GRK5: variants seen among roughly 807,000 people sequenced by gnomAD.
The protein encoded by GRK5 is g protein-coupled receptor kinase GRK5.
In GRK5, 40 loss-of-function variants were observed where a neutral mutation model predicts 78.4. The ratio of observed to expected loss-of-function variants is 0.51; its 90% confidence interval spans 0.40 to 0.66. The LOEUF is 0.66. GRK5 is among the 30% of genes least tolerant of loss of function. The pLI, the probability that GRK5 is intolerant of heterozygous loss-of-function variation, is 0.00. For missense variants in GRK5, 598 were observed against 759.9 expected (o/e 0.79, Z 2.50); for synonymous variants, 289 against 296.8 (o/e 0.97, Z 0.27).
rs368405365 is a variant in GRK5, at chr10:119,427,580, A to G, written c.533+2495A>G. Among the ~76,000 whole-genome samples, 18 of 148,710 alleles carry G rather than the reference A, an allele frequency of 1.2e-4. 1 individual carries two copies. In the South Asian group the frequency reaches 1.5e-3, roughly 13 times the overall value. ...TATCACCGCCATCATCAGCATCACC[A>G]CCATCATCAGCATCATCACCATCAT... is the stretch of plus-strand genomic sequence containing the variant. On this transcript the variant is annotated intron_variant, in intron 6 of 15. Coordinates refer to ENST00000392870, the MANE Select transcript of GRK5 (RefSeq NM_005308.3).
intron 1 of GRK5, among the ~76,000 whole-genome samples, chr10:119,288,284 C>T (rs1483349712): frequency 6.6e-6 from 1 of 152,172 alleles, no homozygotes; most frequent in Non-Finnish European, 1.5e-5. Context: ...GGTCTGTGGA[C>T]AGGGCATAGG....
intron 2 of GRK5, among the ~76,000 whole-genome samples, chr10:119,343,730 G>T (rs1010191748): frequency 2.6e-5 from 4 of 152,226 alleles, no homozygotes; most frequent in Non-Finnish European, 5.9e-5. Context: ...TGTCTGAAAG[G>T]TGAGGTCCTT....
intron 1 of GRK5, among the ~76,000 whole-genome samples, chr10:119,222,929 C>A (rs1194988061): frequency 6.6e-6 from 1 of 152,190 alleles, no homozygotes; most frequent in African/African-American, 2.4e-5. Flanking sequence ...AGGATGGGTC[C>A]CCTGGCCTGG....
Position 119,412,505 on chromosome 10 carries a change from G to T in GRK5, c.340-10661G>T, listed in dbSNP as rs1453847877. On this transcript the variant is annotated intron_variant, in intron 4 of 15. Coordinates refer to ENST00000392870, the MANE Select transcript of GRK5 (RefSeq NM_005308.3). This position sits in a 1 kb window ranked among gnomAD's most constrained non-coding sequence, Gnocchi z 4.3. ...CCGGACTGATTTATTTTTCTCCCCA[G>T]TGACCCCGAAAACCAAACCCTGCCT... Among the ~76,000 whole-genome samples, 1 of 152,156 alleles carries T rather than the reference G, an allele frequency of 6.6e-6. No homozygotes were observed. The highest frequency in any genetic ancestry group is 1.5e-5 in the Non-Finnish European group (1 of 68,022).
At chr10:119,247,790 C>T (rs962153276) in intron 1 of GRK5, among the ~76,000 whole-genome samples, 1 of 152,082 alleles carries the variant, frequency 6.6e-6, no homozygotes, top group Non-Finnish European at 1.5e-5. Flanking sequence ...GTAACTAGTA[C>T]CTCAATCATT....
At chr10:119,373,927 T>G (rs754857515) in intron 2 of GRK5, among the ~76,000 whole-genome samples, 5 of 152,204 alleles carry the variant, frequency 3.3e-5, no homozygotes, top group Non-Finnish European at 5.9e-5. Context: ...TGAATCGTTG[T>G]GAAAGAGACC....
intron 2 of GRK5, chr10:119,333,597 C>T (rs1442800054): frequency 5.5e-6 from 2 of 364,948 alleles, no homozygotes; most frequent in East Asian, 1.5e-4. Context: ...GAGCATATTG[C>T]TGCATAAACG....
At chr10:119,306,777 C>T (rs1034621989) in intron 1 of GRK5, among the ~76,000 whole-genome samples, 1 of 152,128 alleles carries the variant, frequency 6.6e-6, no homozygotes, top group Non-Finnish European at 1.5e-5. Flanking sequence ...TGCTGGGGAG[C>T]ACTTCCCCTC....
At chr10:119,324,796 A>G (rs1007305992) in intron 1 of GRK5, among the ~76,000 whole-genome samples, 6 of 152,254 alleles carry the variant, frequency 3.9e-5, no homozygotes, top group African/African-American at 1.4e-4. Flanking sequence ...GTTGGCAGAA[A>G]GAGTGAGCGT....
chr10:119,394,843 G>A (rs1231367087), intron 3 of GRK5, among the ~76,000 whole-genome samples: 5 of 151,820 alleles, frequency 3.3e-5, no homozygotes, highest in Admixed American at 6.6e-5. Flanking sequence ...CTGTGGGCAC[G>A]TGTGTGTGCA....
Position 119,455,302 on chromosome 10 carries a change from A to G in GRK5, c.*235A>G, listed in dbSNP as rs1481063121. The G allele has an allele frequency of 1.3e-5, 9 of 689,614 alleles. No individual in the cohort carries two copies. Among genetic ancestry groups the G allele is most frequent in the Admixed American group, 1.0e-4 (5 of 49,112 alleles). The allele number at this position is 689,614 out of a possible 1,614,324, so 42.7% of individuals were successfully genotyped here. On this transcript the variant is annotated 3_prime_UTR_variant, in exon 16 of 16. Transcript: ENST00000392870. Reference sequence around the variant, plus strand: ...TGGATTGGATTTGTCTTTGGTGAACATTGCAATAGAAATCCAATTGGATAC... The same window carrying G: ...TGGATTGGATTTGTCTTTGGTGAACGTTGCAATAGAAATCCAATTGGATAC...
chr10:119,448,128 C>T lies in GRK5; in HGVS notation c.1272C>T (p.Leu424=). 2 of 1,550,890 alleles carry T rather than the reference C, an allele frequency of 1.3e-6. No homozygotes were observed. The highest frequency in any genetic ancestry group is 1.7e-6 in the Non-Finnish European group (2 of 1,155,356). Residue 424 remains leucine, a synonymous_variant, in exon 13 of 16, where the codon CTC becomes CTT. Transcript: ENST00000392870. Reference sequence around the variant, plus strand: ...CATGGGGCTCTCTGTTTCAGCTGCTCACGAAAGATGCGAAGCAGAGGCTGG... The same window carrying T: ...CATGGGGCTCTCTGTTTCAGCTGCTTACGAAAGATGCGAAGCAGAGGCTGG... ...EEAKSICKML[L]TKDAKQRLGC...
chr10:119,316,419 C>T (rs1850487470), intron 1 of GRK5, among the ~76,000 whole-genome samples: 1 of 152,182 alleles, frequency 6.6e-6, no homozygotes, highest in South Asian at 2.1e-4. Context: ...TCTAACTACC[C>T]AGGATTAGTG....
At chr10:119,359,687 G>A (rs571858352) in intron 2 of GRK5, among the ~76,000 whole-genome samples, 4 of 152,280 alleles carry the variant, frequency 2.6e-5, no homozygotes, top group South Asian at 2.1e-4. Flanking sequence ...GTATAAATTC[G>A]CTTGCCTTCC....
intron 6 of GRK5, among the ~76,000 whole-genome samples, chr10:119,429,275 T>G (rs1044135112): frequency 1.3e-5 from 2 of 152,062 alleles, no homozygotes; most frequent in African/African-American, 4.8e-5. Context: ...GCCACAGATG[T>G]GATTTCCAGG....
chr10:119,284,936 A>G (rs1849822119), intron 1 of GRK5, among the ~76,000 whole-genome samples: 1 of 152,220 alleles, frequency 6.6e-6, no homozygotes, highest in South Asian at 2.1e-4. Flanking sequence ...GGCTGCCTGG[A>G]GGACTTGCCA....
chr10:119,346,136 C>T (rs1488437106), intron 2 of GRK5, among the ~76,000 whole-genome samples: 1 of 152,182 alleles, frequency 6.6e-6, no homozygotes, highest in Admixed American at 6.5e-5. Context: ...TAAGCCTAAC[C>T]CCTGTTACAA....
At chr10:119,287,324 G>A (rs111312175) in intron 1 of GRK5, among the ~76,000 whole-genome samples, 485 of 8,806 alleles carry the variant, frequency 0.055, 17 homozygotes, top group East Asian at 0.14. Context: ...GAGAGAGGGA[G>A]GGAGGAAGGG....
chr10:119,296,975 T>C (rs1383669335), intron 1 of GRK5, among the ~76,000 whole-genome samples: 2 of 152,332 alleles, frequency 1.3e-5, no homozygotes, highest in East Asian at 3.9e-4. Context: ...TGGTATCTGG[T>C]GGCCACAGCT....
Sources: gnomAD v4.1 joint callset for allele counts (sites outside exome capture counted in the v4.1 genomes callset) on GRCh38, gnomAD v4.1.1 for gene constraint, Gnocchi (gnomAD v3.1) non-coding constraint, MANE v1.5 for transcripts, NCBI Gene and HGNC (gene_info 2026-07-23, HGNC 2026-07-21) for gene names.